PCIF1: variants seen among roughly 807,000 people sequenced by gnomAD.
The protein encoded by PCIF1 is phosphorylated CTD interacting factor 1.
PCIF1 carries 12 observed loss-of-function variants against 86.9 expected under a neutral mutation model. The observed-to-expected ratio is 0.14, with a 90% CI of 0.09 to 0.22. The LOEUF (loss-of-function observed/expected upper bound fraction) is 0.22, where lower values mean the gene tolerates loss of function less well. PCIF1 is among the 10% of genes least tolerant of loss of function. The pLI is 1.00. For synonymous variants in PCIF1, 397 were observed against 372.0 expected (o/e 1.07, Z -0.77); for missense variants, 701 against 951.1 (o/e 0.74, Z 3.46).
intron 7 of PCIF1, among the ~76,000 whole-genome samples, chr20:45,942,332 A>G (rs1286189369): frequency 2.0e-5 from 2 of 100,668 alleles, no homozygotes; most frequent in African/African-American, 7.7e-5. Flanking sequence ...TTCTTTTTCT[A>G]AGATGGAGTT....
Position 45,940,610 on chromosome 20 carries a change from A to G in PCIF1, c.385A>G (p.Lys129Glu), listed in dbSNP as rs1199504499. ...QPSGNGVKKP[K>E]IEIPVTPTGQ... ...AAGCGGCAATGGTGTGAAGAAGCCCAAGGTGAGTGTCTGTGGCCAGGAGCC... is the reference window on the plus strand; with the variant it reads ...AAGCGGCAATGGTGTGAAGAAGCCCGAGGTGAGTGTCTGTGGCCAGGAGCC... Residue 129 changes from lysine (K) to glutamate (E), a missense_variant and splice_region_variant, in exon 5 of 17, where the codon AAG becomes GAG. Around this residue, in one of 7 missense-constraint regions of PCIF1, gnomAD observed 125 missense variants for 126.8 expected, o/e 0.99. Coordinates refer to ENST00000372409, the MANE Select transcript of PCIF1 (RefSeq NM_022104.4). 1 of 1,610,768 alleles carries G rather than the reference A, an allele frequency of 6.2e-7. No individual in the cohort carries two copies. The highest frequency in any genetic ancestry group is 2.2e-5 in the East Asian group (1 of 44,816).
chr20:45,947,413 A>C lies in PCIF1; in HGVS notation c.1858A>C (p.Ser620Arg). Residue 620 changes from serine (S) to arginine (R), a missense_variant, in exon 16 of 17, where the codon AGT becomes CGT. Physicochemically the swap from Ser to Arg is moderately radical, Grantham distance 110. Transcript: ENST00000372409. This position sits in a 1 kb window ranked among gnomAD's most constrained non-coding sequence, Gnocchi z 5.4. ...ILPAFEHEYR[S>R]GSQHICKKEE... ...GCCTGCCTTTGAGCATGAGTACCGC[A>C]GTGGCTCCCAGCACATCTGCAAGAA... 1 of 1,613,954 alleles carries C rather than the reference A, an allele frequency of 6.2e-7. No individual in the cohort carries two copies. Among genetic ancestry groups the C allele is most frequent in the South Asian group, 1.1e-5 (1 of 91,080 alleles).
At chr20:45,941,284 G>T in intron 7 of PCIF1, 77 bp downstream of exon 7, 2 of 1,520,858 alleles carry the variant, frequency 1.3e-6, no homozygotes, top group Non-Finnish European at 8.8e-7. Context: ...GGCCAGTTTG[G>T]GGATGGCGGA....
chr20:45,945,628 C>G (rs1432975899), intron 11 of PCIF1, 83 bp from the exon 12 acceptor site: 43 of 1,504,156 alleles, frequency 2.9e-5, no homozygotes, highest in Non-Finnish European at 3.5e-5. Flanking sequence ...GGACTTCCCT[C>G]TCTCGGTACA....
At chr20:45,935,388 A>G (rs1005371128) in intron 1 of PCIF1, among the ~76,000 whole-genome samples, 7 of 152,156 alleles carry the variant, frequency 4.6e-5, no homozygotes, top group Non-Finnish European at 1.0e-4. Flanking sequence ...GGTTGCGCAG[A>G]TAGAGTTGTT....
rs746517376 is a variant in PCIF1, at chr20:45,940,826, A to G, written c.405A>G (p.Thr135=). The change falls in exon 6 of 17, where the codon ACA becomes ACG. Residue 135 remains threonine (T), a synonymous_variant. Coordinates refer to ENST00000372409, the MANE Select transcript of PCIF1 (RefSeq NM_022104.4). Reference sequence around the variant, plus strand: ...CACTACAGATTGAAATCCCAGTGACACCCACAGGCCAGTCGGTGCCCAGCT... The same window carrying G: ...CACTACAGATTGAAATCCCAGTGACGCCCACAGGCCAGTCGGTGCCCAGCT... ...VKKPKIEIPV[T]PTGQSVPSSP... is the part of the protein sequence containing the mutation. 6.2e-7 allele frequency: 1 copy of G among 1,613,766 alleles called. No individual in the cohort carries two copies. Among genetic ancestry groups the G allele is most frequent in the African/African-American group, 1.3e-5 (1 of 75,016 alleles).
At chr20:45,936,858 TTGGAGGTTGCAG>T (rs2083430789) in intron 1 of PCIF1, among the ~76,000 whole-genome samples, 1 of 151,762 alleles carries the variant, frequency 6.6e-6, no homozygotes. Context: ...AACCCAGGAG[TTGGAGGTTGCAG>T]TGAGTCGAGA....
In PCIF1 at chr20:45,934,757, G is replaced by C. The variant is rs1319576701; in HGVS notation, c.-235G>C. The C allele has an allele frequency of 2.5e-6, 1 of 398,610 alleles. No individual in the cohort carries two copies. Among genetic ancestry groups the C allele is most frequent in the African/African-American group, 2.1e-5 (1 of 48,584 alleles). The allele number at this position is 398,610 out of a possible 1,614,324, so 24.7% of individuals were successfully genotyped here. On this transcript the variant is annotated 5_prime_UTR_variant, in exon 1 of 17. Transcript: ENST00000372409. ...GCGAGGCGGAGGCGGCAAAACGGGC[G>C]GTCGAGCAGAACGTGTAGCCGCGTC...
Position 45,941,074 on chromosome 20 carries a change from C to T in PCIF1, c.540C>T (p.Ile180=), listed in dbSNP as rs1321371620. ...RPTEVYWDLD[I]QTNAVIKHRG... is the part of the protein sequence containing the mutation. Reference sequence around the variant, plus strand: ...CAAGGGTCTACTGGGACCTGGACATCCAGACCAATGCTGTCATCAAGCACC... The same window carrying T: ...CAAGGGTCTACTGGGACCTGGACATTCAGACCAATGCTGTCATCAAGCACC... The change falls in exon 7 of 17, where the codon ATC becomes ATT. Residue 180 remains isoleucine (I), a synonymous_variant. Transcript: ENST00000372409. 5 of 1,614,100 alleles carry T rather than the reference C, an allele frequency of 3.1e-6. No individual in the cohort carries two copies. The highest frequency in any genetic ancestry group is 4.2e-6 in the Non-Finnish European group (5 of 1,180,046).
chr20:45,943,606 T>C lies in PCIF1; in HGVS notation c.906-60T>C. 2 of 1,478,306 alleles carry C rather than the reference T, an allele frequency of 1.4e-6. No homozygotes were observed. Among genetic ancestry groups the C allele is most frequent in the South Asian group, 1.2e-5 (1 of 82,538 alleles). 91.6% of individuals were successfully genotyped at this position (1,478,306 alleles called of 1,614,324 possible). A position where few individuals can be genotyped will look rare whatever the true frequency, so the allele number is the denominator to read the frequency against. On this transcript the variant is annotated intron_variant, in intron 9 of 16. Coordinates refer to ENST00000372409, the MANE Select transcript of PCIF1 (RefSeq NM_022104.4). The surrounding 1 kb of genome is among the most constrained non-coding windows in gnomAD (Gnocchi z 5.5). Reference sequence around the variant, plus strand: ...GTTGATACCCAGCGAGCCCATGGAATTGGGATGAGGAGGGTGGAGCCAAGC... The same window carrying C: ...GTTGATACCCAGCGAGCCCATGGAACTGGGATGAGGAGGGTGGAGCCAAGC...
chr20:45,940,358 G>C (rs562838509), intron 4 of PCIF1, 117 bp from the exon 5 acceptor site: 3 of 1,299,968 alleles, frequency 2.3e-6, no homozygotes, highest in Non-Finnish European at 3.1e-6. Context: ...CTGTATCCCA[G>C]CTCCTCTGCT....
At position 45,947,490 on chromosome 20, in the gene PCIF1, C is replaced by T; in HGVS notation, c.1884-34C>T. 1.2e-6 allele frequency: 2 copies of T among 1,613,284 alleles called. No homozygotes were observed. Among genetic ancestry groups the T allele is most frequent in the Non-Finnish European group, 8.5e-7 (1 of 1,179,878 alleles). On this transcript the variant is annotated intron_variant, in intron 16 of 16. Coordinates refer to ENST00000372409, the MANE Select transcript of PCIF1 (RefSeq NM_022104.4). The surrounding 1 kb of genome is among the most constrained non-coding windows in gnomAD (Gnocchi z 5.4). The stretch of plus-strand genomic sequence containing the variant: ...GAGGCTGGGCTGGCCAGGCCAGGCC[C>T]AGCCCCACCCTGAGCCATTGCCTTT...
At position 45,939,288 on chromosome 20, in the gene PCIF1, C is replaced by T. The variant is rs765937703; in HGVS notation, c.198C>T (p.Phe66=). The T allele has an allele frequency of 1.2e-6, 2 of 1,613,794 alleles. No homozygotes were observed. The part of the protein sequence containing the change: ...RENRPYYFNR[F]TNQSLWEMPV... ...ATCGTCCCTACTACTTCAACCGATTCACCAACCAGTCCCTGTGGGAGATGC... is the reference window on the plus strand; with the variant it reads ...ATCGTCCCTACTACTTCAACCGATTTACCAACCAGTCCCTGTGGGAGATGC... The change falls in exon 4 of 17, where the codon TTC becomes TTT. Residue 66 remains phenylalanine (F), a synonymous_variant. Transcript: ENST00000372409.
chr20:45,935,626 G>A (rs889733413), intron 1 of PCIF1, among the ~76,000 whole-genome samples: 1 of 152,154 alleles, frequency 6.6e-6, no homozygotes, highest in Non-Finnish European at 1.5e-5. Flanking sequence ...CAGACCTGCT[G>A]CGCTCAAGTC....
chr20:45,943,894 C>T lies in PCIF1; in HGVS notation c.1005+129C>T, dbSNP rs1025978931. The stretch of plus-strand genomic sequence containing the variant: ...GCCTATTCTTGTGCAGTATGGCAGA[C>T]GTTCGACATTCGTCAGTCCCCAAAC... On this transcript the variant is annotated intron_variant, in intron 10 of 16. Coordinates refer to ENST00000372409, the MANE Select transcript of PCIF1 (RefSeq NM_022104.4). This position sits in a 1 kb window ranked among gnomAD's most constrained non-coding sequence, Gnocchi z 5.5. 24 of 664,214 alleles carry T rather than the reference C, an allele frequency of 3.6e-5. No individual in the cohort carries two copies. Among genetic ancestry groups the T allele is most frequent in the Admixed American group, 1.6e-4 (6 of 37,274 alleles). The allele number at this position is 664,214 out of a possible 1,614,324, so 41.1% of individuals were successfully genotyped here.
intron 2 of PCIF1, 123 bp from the exon 3 acceptor site, chr20:45,938,858 G>C (rs2083446500): frequency 7.7e-7 from 1 of 1,295,174 alleles, no homozygotes; most frequent in Non-Finnish European, 1.1e-6. Context: ...CACCATGCTG[G>C]CCCTCCAGGA....
intron 14 of PCIF1, 46 bp downstream of exon 14, chr20:45,946,430 C>T (rs768738532): frequency 6.3e-7 from 1 of 1,589,986 alleles, no homozygotes; most frequent in Non-Finnish European, 8.6e-7. Context: ...GGAAGAGGTC[C>T]TCCAGAGCAC....
At chr20:45,941,865 A>T (rs1482093619) in intron 7 of PCIF1, among the ~76,000 whole-genome samples, 61 of 147,910 alleles carry the variant, frequency 4.1e-4, no homozygotes, top group Non-Finnish European at 1.3e-4. Context: ...GGGATTACAG[A>T]TGTGAGCCAC....
In PCIF1 at chr20:45,941,166, A is replaced by C; in HGVS notation, c.632A>C (p.Lys211Thr). The C allele has an allele frequency of 1.2e-6, 2 of 1,613,908 alleles. No individual in the cohort carries two copies. Among genetic ancestry groups the C allele is most frequent in the Non-Finnish European group, 1.7e-6 (2 of 1,179,912 alleles). ...VELLRSQLIL[K>T]LRQHYRELCQ... ...CTGCTCCGCTCTCAGCTCATCCTGA[A>C]GCTTCGGCAGCACTATCGGGAGCTG... Residue 211 changes from lysine (K) to threonine (T), a missense_variant, in exon 7 of 17, where the codon AAG (lysine) becomes ACG (threonine). Transcript: ENST00000372409.
Sources: gnomAD v4.1 joint callset for allele counts (sites outside exome capture counted in the v4.1 genomes callset) on GRCh38, gnomAD v4.1.1 for gene constraint, gnomAD v4.1.1 regional missense constraint, Gnocchi (gnomAD v3.1) non-coding constraint, MANE v1.5 for transcripts, NCBI Gene and HGNC (gene_info 2026-07-23, HGNC 2026-07-21) for gene names.